MAP4K4: variants seen among roughly 807,000 people sequenced by gnomAD.
The protein encoded by MAP4K4 is mitogen-activated protein kinase kinase kinase kinase 4.
In MAP4K4, 38 loss-of-function variants were observed where a neutral mutation model predicts 189.6. The observed-to-expected ratio is 0.20, with a 90% CI of 0.15 to 0.26. The LOEUF is 0.26. MAP4K4 is among the 10% of genes least tolerant of loss of function. MAP4K4 has a pLI of 1.00. For missense variants in MAP4K4, 1,054 were observed against 1,726.9 expected, an observed-to-expected ratio of 0.61 and a Z score of 6.91; for synonymous variants, 610 against 624.3, an observed-to-expected ratio of 0.98 and a Z score of 0.34.
chr2:101,857,198 G>A (rs2097498660), intron 13 of MAP4K4, among the ~76,000 whole-genome samples: 1 of 151,948 alleles, frequency 6.6e-6, no homozygotes, highest in Admixed American at 6.5e-5. Flanking sequence ...TGCTCTAGTG[G>A]CAGTCATTAA....
At chr2:101,839,969 T>C (rs758557923) in exon 10 of MAP4K4, 1 of 1,603,738 alleles carries the variant, frequency 6.2e-7, no homozygotes, top group Admixed American at 1.8e-5. Context: ...ATATAGATCG[T>C]ACCAGGAAGA....
intron 2 of MAP4K4, among the ~76,000 whole-genome samples, chr2:101,733,095 G>A (rs1256134910): frequency 6.6e-6 from 1 of 152,238 alleles, no homozygotes; most frequent in African/African-American, 2.4e-5. Flanking sequence ...TACCTGTGTT[G>A]TGAGATATCC....
chr2:101,844,706 G>T (rs2097037270), intron 12 of MAP4K4, among the ~76,000 whole-genome samples: 1 of 151,888 alleles, frequency 6.6e-6, no homozygotes. Context: ...CAGTTTGTAT[G>T]TGCATATTTT....
chr2:101,836,968 T>G (rs937085589), intron 9 of MAP4K4, among the ~76,000 whole-genome samples: 4 of 152,158 alleles, frequency 2.6e-5, no homozygotes, highest in African/African-American at 7.2e-5. Context: ...CCTCTTTCCC[T>G]CCTGAATTTC....
In MAP4K4 at chr2:101,791,125, G is replaced by C. The variant is rs2092817337; in HGVS notation, c.180+349G>C. 2.0e-5 allele frequency among the ~76,000 whole-genome samples: 3 copies of C among 152,074 alleles called. No homozygotes were observed. In the South Asian group the frequency reaches 6.2e-4, roughly 32 times the overall value. On this transcript the variant is annotated intron_variant, in intron 3 of 32. Coordinates refer to ENST00000324219, the Ensembl canonical transcript of MAP4K4. ...AGGTCACATGAATAGGGAGATTGAGGGTTTCGAGTGGAGAAAAGCTTCTCT... is the reference window on the plus strand; with the variant it reads ...AGGTCACATGAATAGGGAGATTGAGCGTTTCGAGTGGAGAAAAGCTTCTCT...
intron 26 of MAP4K4, among the ~76,000 whole-genome samples, chr2:101,875,118 A>G (rs1219252823): frequency 6.6e-6 from 1 of 152,182 alleles, no homozygotes. Context: ...TTGAAATGGT[A>G]TCTGTCTGGC....
At chr2:101,725,123 C>T (rs1411120220) in intron 2 of MAP4K4, among the ~76,000 whole-genome samples, 1 of 152,130 alleles carries the variant, frequency 6.6e-6, no homozygotes, top group African/African-American at 2.4e-5. Flanking sequence ...AACGTGTCCT[C>T]ATCATCAAGC....
rs1397725470 is a variant in MAP4K4 at position 101,704,535 on chromosome 2, GTGTGTGTATATATA to G, written c.123+5999_123+6012del. On this transcript the variant is annotated intron_variant, in intron 2 of 32. Coordinates refer to ENST00000324219, the Ensembl canonical transcript of MAP4K4. The stretch of plus-strand genomic sequence containing the variant: ...ACCAATATTTTATGTGTGTGTGTGT[GTGTGTGTATATATA>G]TATATATATATATATATATTTTTTT... Among the ~76,000 whole-genome samples, 357 of 75,448 alleles carry G rather than the reference GTGTGTGTATATATA, an allele frequency of 4.7e-3. 5 individuals carry two copies. The highest frequency in any genetic ancestry group is 5.6e-3 in the Non-Finnish European group (244 of 43,634). The allele number at this position is 75,448 out of a possible 152,430, so 49.5% of individuals were successfully genotyped here.
At chr2:101,741,456 C>T (rs1237493345) in intron 2 of MAP4K4, among the ~76,000 whole-genome samples, 8 of 152,130 alleles carry the variant, frequency 5.3e-5, no homozygotes, top group African/African-American at 1.9e-4. Context: ...GCGTGAACCA[C>T]CGCACCCGGC....
At chr2:101,826,095 T>C (rs187892836) in intron 5 of MAP4K4, among the ~76,000 whole-genome samples, 1 of 152,294 alleles carries the variant, frequency 6.6e-6, no homozygotes, top group African/African-American at 2.4e-5. Context: ...ATCACAGTTT[T>C]TCTCTCTACT....
intron 5 of MAP4K4, among the ~76,000 whole-genome samples, chr2:101,829,186 G>A (rs1013473850): frequency 2.0e-5 from 3 of 152,180 alleles, no homozygotes; most frequent in Non-Finnish European, 4.4e-5. Flanking sequence ...GAACCACCCT[G>A]TACACAAATA....
chr2:101,828,870 A>G (rs1484207222), intron 5 of MAP4K4, among the ~76,000 whole-genome samples: 1 of 152,222 alleles, frequency 6.6e-6, no homozygotes, highest in African/African-American at 2.4e-5. Context: ...GTAAGAGACA[A>G]GCTTTTGGGC....
At chr2:101,856,169 A>G (rs2097447401) in intron 13 of MAP4K4, 31 bp downstream of exon 13, 1 of 1,539,726 alleles carries the variant, frequency 6.5e-7, no homozygotes, top group Non-Finnish European at 8.7e-7. Flanking sequence ...GCAGGCATAC[A>G]CTTGTGAAGT....
intron 2 of MAP4K4, among the ~76,000 whole-genome samples, chr2:101,789,843 A>G (rs1377355084): frequency 5.3e-5 from 8 of 152,294 alleles, no homozygotes; most frequent in African/African-American, 1.9e-4. Flanking sequence ...AATTAAACCC[A>G]GTACTCCTCA....
At chr2:101,844,381 T>C (rs2097021640) in intron 12 of MAP4K4, 70 bp downstream of exon 12, 2 of 1,272,004 alleles carry the variant, frequency 1.6e-6, no homozygotes, top group Non-Finnish European at 1.1e-6. Flanking sequence ...AGTTAGCCAC[T>C]CAGAGGAATA....
chr2:101,825,048 G>T (rs1013184031), intron 4 of MAP4K4, among the ~76,000 whole-genome samples: 4 of 152,204 alleles, frequency 2.6e-5, no homozygotes, highest in African/African-American at 9.7e-5. Context: ...GTGCCCATGT[G>T]CTTCTGAGAG....
intron 2 of MAP4K4, among the ~76,000 whole-genome samples, chr2:101,751,470 A>G (rs17026008): frequency 0.067 from 10,192 of 152,248 alleles, 430 homozygotes; most frequent in African/African-American, 0.12. Context: ...CATCTGTAAA[A>G]TGGGACTCAG....
At chr2:101,822,891 A>C (rs748647647) in intron 3 of MAP4K4, among the ~76,000 whole-genome samples, 6 of 152,164 alleles carry the variant, frequency 3.9e-5, no homozygotes, top group Non-Finnish European at 8.8e-5. Context: ...TGGTCATCAG[A>C]TTTCTCTTGA....
chr2:101,893,204 ACAT>A (rs1303427920), exon 33 of MAP4K4: 5 of 456,340 alleles, frequency 1.1e-5, no homozygotes, highest in Admixed American at 2.3e-5. Flanking sequence ...TAAGACAAGT[ACAT>A]CCACTCATGA....
Sources: gnomAD v4.1 joint callset for allele counts (sites outside exome capture counted in the v4.1 genomes callset) on GRCh38, gnomAD v4.1.1 for gene constraint, MANE v1.5 for transcripts, NCBI Gene and HGNC (gene_info 2026-07-23, HGNC 2026-07-21) for gene names.